ACACB: variants seen among roughly 807,000 people sequenced by gnomAD.
ACACB encodes the protein acetyl-CoA carboxylase 2.
A neutral mutation model predicts 278.8 loss-of-function variants in ACACB; 209 were observed. The observed-to-expected ratio is 0.75, with a 90% confidence interval of 0.67 to 0.84. The LOEUF is 0.84. Among genes scored for constraint, ACACB ranks in the 40% least tolerant of loss-of-function variants. The pLI is 0.00. For missense variants in ACACB, 2,850 were observed against 3,269.0 expected (o/e 0.87, Z 3.13); for synonymous variants, 1,174 against 1,285.6 (o/e 0.91, Z 1.86).
intron 16 of ACACB, 36 bp from the exon 17 acceptor site, chr12:109,196,972 T>G: frequency 6.6e-7 from 1 of 1,516,874 alleles, no homozygotes; most frequent in Non-Finnish European, 8.8e-7. Flanking sequence ...GAGCACATCC[T>G]GAACCCAGGC....
chr12:109,240,789 C>A (rs982905755), intron 35 of ACACB, among the ~76,000 whole-genome samples: 1 of 152,010 alleles, frequency 6.6e-6, no homozygotes, highest in Non-Finnish European at 1.5e-5. Context: ...GATAGTATAA[C>A]ATAGCAGTAC....
At chr12:109,208,450 C>T (rs1016787614) in intron 20 of ACACB, among the ~76,000 whole-genome samples, 2 of 152,088 alleles carry the variant, frequency 1.3e-5, no homozygotes, top group African/African-American at 2.4e-5. Context: ...TCAAGTGATC[C>T]TCCCGCCTTG....
At chr12:109,202,211 T>C (rs1208204993) in intron 19 of ACACB, among the ~76,000 whole-genome samples, 2 of 123,890 alleles carry the variant, frequency 1.6e-5, no homozygotes, top group Non-Finnish European at 3.8e-5. Context: ...TAGTTTTAGA[T>C]GTACAGAACA....
intron 48 of ACACB, among the ~76,000 whole-genome samples, chr12:109,261,305 C>A (rs1375471730): frequency 6.6e-6 from 1 of 152,200 alleles, no homozygotes; most frequent in African/African-American, 2.4e-5. Context: ...CCATTGATTA[C>A]CTCACTGTAT....
chr12:109,258,832 A>G (rs1593727647), intron 46 of ACACB, 141 bp from the exon 47 acceptor site: 9 of 1,119,936 alleles, frequency 8.0e-6, no homozygotes, highest in East Asian at 2.4e-5. Context: ...TGGGGCTTCC[A>G]TCCTTCTGAG....
intron 28 of ACACB, among the ~76,000 whole-genome samples, chr12:109,230,500 A>G (rs2046437297): frequency 6.6e-6 from 1 of 151,912 alleles, no homozygotes; most frequent in African/African-American, 2.4e-5. Flanking sequence ...ATAGCTCACT[A>G]CAGCCTTGAA....
intron 1 of ACACB, among the ~76,000 whole-genome samples, chr12:109,117,667 T>A (rs1276606765): frequency 6.6e-6 from 1 of 152,232 alleles, no homozygotes; most frequent in African/African-American, 2.4e-5. Flanking sequence ...TGATTACTTT[T>A]ATTTTTTAAT....
chr12:109,169,374 A>G (rs1186236325), intron 4 of ACACB, among the ~76,000 whole-genome samples: 3 of 151,974 alleles, frequency 2.0e-5, no homozygotes, highest in Non-Finnish European at 2.9e-5. Context: ...TGAATTTATC[A>G]CTTGTCCAGG....
At chr12:109,151,742 T>C (rs1488083831) in intron 2 of ACACB, among the ~76,000 whole-genome samples, 1 of 152,178 alleles carries the variant, frequency 6.6e-6, no homozygotes, top group Non-Finnish European at 1.5e-5. Flanking sequence ...ATTGAGCTTC[T>C]AGTAAGTCTG....
Position 109,170,060 on chromosome 12 carries a change from A to G in ACACB, c.926-1745A>G, listed in dbSNP as rs951473479. Among the ~76,000 whole-genome samples, 9 of 152,150 alleles carry G rather than the reference A, an allele frequency of 5.9e-5. No homozygotes were observed. The South Asian group carries it at 6.2e-4, about 11-fold the overall frequency. On this transcript the variant is annotated intron_variant, in intron 4 of 52. Transcript: ENST00000338432. ...CTTTTCCTAGTCCAAAACACTGCTC[A>G]GTGGCTGTTCTCTGACTTTGGCCTC... is the stretch of plus-strand genomic sequence containing the variant.
chr12:109,140,625 C>G (rs1406299360), intron 2 of ACACB, among the ~76,000 whole-genome samples: 1 of 152,126 alleles, frequency 6.6e-6, no homozygotes, highest in Non-Finnish European at 1.5e-5. Context: ...TCACTGCACT[C>G]CAGCCTGGGT....
intron 24 of ACACB, among the ~76,000 whole-genome samples, chr12:109,218,471 G>T (rs1386569579): frequency 5.9e-5 from 9 of 152,076 alleles, no homozygotes; most frequent in African/African-American, 1.9e-4. Context: ...CAATCCTCCT[G>T]CCTTGGCCTC....
At chr12:109,128,892 C>G (rs1413694616) in intron 1 of ACACB, among the ~76,000 whole-genome samples, 1 of 151,884 alleles carries the variant, frequency 6.6e-6, no homozygotes, top group Non-Finnish European at 1.5e-5. Flanking sequence ...CCCACTTTGG[C>G]CTCCTGAAGT....
Position 109,166,666 on chromosome 12 carries a change from A to C in ACACB, c.654-195A>C, listed in dbSNP as rs1308913410. Among the ~76,000 whole-genome samples, 45 of 144,262 alleles carry C rather than the reference A, an allele frequency of 3.1e-4. 3 individuals are homozygous for C. Among genetic ancestry groups the C allele is most frequent in the Non-Finnish European group, 5.6e-4 (37 of 65,528 alleles). The allele number at this position is 144,262 out of a possible 152,430, so 94.6% of individuals were successfully genotyped here. On this transcript the variant is annotated intron_variant, in intron 2 of 52. Transcript: ENST00000338432. ...TCCCGTCTCAAAAAAAAAAAAAAAAAAAAAAAAAAAACCGAAGGTGCTTCC... is the reference window on the plus strand; with the variant it reads ...TCCCGTCTCAAAAAAAAAAAAAAAACAAAAAAAAAAACCGAAGGTGCTTCC...
chr12:109,247,740 A>G (rs2284689), intron 40 of ACACB, 37 bp downstream of exon 40: 1,229,569 of 1,531,376 alleles, frequency 0.8, 495,798 homozygotes, highest in Admixed American at 0.87. Context: ...AATTTTGCTC[A>G]TGGTTAATTT....
chr12:109,212,176 C>A (rs2045868451), intron 21 of ACACB, among the ~76,000 whole-genome samples: 1 of 151,992 alleles, frequency 6.6e-6, no homozygotes, highest in Non-Finnish European at 1.5e-5. Flanking sequence ...AGGCTTTGGG[C>A]CTGGAATTTT....
At chr12:109,120,751 C>G (rs926622729) in intron 1 of ACACB, among the ~76,000 whole-genome samples, 3 of 152,190 alleles carry the variant, frequency 2.0e-5, no homozygotes, top group Non-Finnish European at 4.4e-5. Context: ...ACGTGTGCCA[C>G]ACACGTGCAC....
chr12:109,198,387 A>C (rs2045214589), intron 17 of ACACB, among the ~76,000 whole-genome samples: 1 of 152,208 alleles, frequency 6.6e-6, no homozygotes, highest in African/African-American at 2.4e-5. Flanking sequence ...TTTCAGCCAA[A>C]AAAGGGTCAC....
intron 45 of ACACB, 120 bp from the exon 46 acceptor site, chr12:109,258,148 A>T (rs1214669416): frequency 1.4e-6 from 1 of 703,832 alleles, no homozygotes; most frequent in East Asian, 2.8e-5. Context: ...CTTCCAATAA[A>T]ATAATCCGCC....
Sources: gnomAD v4.1 joint callset for allele counts (sites outside exome capture counted in the v4.1 genomes callset) on GRCh38, gnomAD v4.1.1 for gene constraint, MANE v1.5 for transcripts, NCBI Gene and HGNC (gene_info 2026-07-23, HGNC 2026-07-21) for gene names.